Variants in REV3L observed in about 807,000 individuals in gnomAD.
REV3L encodes the protein REV3 like, DNA directed polymerase zeta catalytic subunit.
Under a neutral mutation model 299.4 loss-of-function variants are expected in REV3L, and 69 were observed. The observed-to-expected ratio is 0.23, with a 90% CI of 0.19 to 0.28. REV3L has a LOEUF of 0.28. Among genes scored for constraint, REV3L ranks in the 10% least tolerant of loss-of-function variants. The pLI, the probability that REV3L is intolerant of heterozygous loss-of-function variation, is 1.00. For synonymous variants in REV3L, 1,238 were observed against 1,271.4 expected (o/e 0.97, Z 0.56); for missense variants, 3,128 against 3,693.8 (o/e 0.85, Z 3.97).
At chr6:111,353,200 G>T (rs527784146) in intron 18 of REV3L, among the ~76,000 whole-genome samples, 2 of 152,204 alleles carry the variant, frequency 1.3e-5, no homozygotes, top group South Asian at 4.1e-4. Context: ...GCTATCTATG[G>T]CTACTCTGCA....
Position 111,338,452 on chromosome 6 carries a change from A to C in REV3L, c.7539-2842T>G, listed in dbSNP as rs1247526627. 2.0e-5 allele frequency among the ~76,000 whole-genome samples: 3 copies of C among 149,036 alleles called. No individual in the cohort carries two copies. In the East Asian group the frequency reaches 5.9e-4, roughly 29 times the overall value. On this transcript the variant is annotated intron_variant, in intron 21 of 31. Transcript: ENST00000368802. Reference sequence around the variant, plus strand: ...TTCCTTTAGTAAGGTAAACATTTGAATATTTCAGGATTTTTTTCCTTTGAT... The same window carrying C: ...TTCCTTTAGTAAGGTAAACATTTGACTATTTCAGGATTTTTTTCCTTTGAT...
intron 1 of REV3L, among the ~76,000 whole-genome samples, chr6:111,463,162 G>A (rs1329669407): frequency 6.6e-6 from 1 of 152,112 alleles, no homozygotes; most frequent in Non-Finnish European, 1.5e-5. Context: ...AGCTGTTAAC[G>A]GTATAAGTAC....
Position 111,359,509 on chromosome 6 carries a change from T to C in REV3L, c.6880-495A>G, listed in dbSNP as rs73765947. Among the ~76,000 whole-genome samples, 216 of 131,134 alleles carry C rather than the reference T, an allele frequency of 1.6e-3. 2 individuals are homozygous for C. Among genetic ancestry groups the C allele is most frequent in the African/African-American group, 5.7e-3 (192 of 33,862 alleles). The allele number at this position is 131,134 out of a possible 152,430, so 86.0% of individuals were successfully genotyped here. A position where few individuals can be genotyped will look rare whatever the true frequency, so the allele number is the denominator to read the frequency against. Reference sequence around the variant, plus strand: ...CATACACTAGGCAGATTTTTAATTATAGTTTTTCCTGAAAAAAAAAAAAAA... The same window carrying C: ...CATACACTAGGCAGATTTTTAATTACAGTTTTTCCTGAAAAAAAAAAAAAA... On this transcript the variant is annotated intron_variant, in intron 16 of 31. Transcript: ENST00000368802.
intron 4 of REV3L, among the ~76,000 whole-genome samples, chr6:111,401,002 C>T (rs1353202220): frequency 6.6e-6 from 1 of 152,172 alleles, no homozygotes; most frequent in Non-Finnish European, 1.5e-5. Flanking sequence ...GCTATGCTTT[C>T]TCCATTGAAT....
chr6:111,429,726 G>A (rs1205491434), intron 1 of REV3L, among the ~76,000 whole-genome samples: 9 of 152,170 alleles, frequency 5.9e-5, no homozygotes, highest in East Asian at 1.9e-4. Context: ...CGCGGGCCCC[G>A]CTCCCGCCCT....
At chr6:111,463,168 A>C (rs1230390866) in intron 1 of REV3L, among the ~76,000 whole-genome samples, 1 of 152,190 alleles carries the variant, frequency 6.6e-6, no homozygotes, top group Non-Finnish European at 1.5e-5. Context: ...TAACGGTATA[A>C]GTACCAGTAT....
Position 111,471,327 on chromosome 6 carries a change from T to C in REV3L, c.139+11423A>G, listed in dbSNP as rs10080788. ...GTCCTGATGGACCACTTATAAAACA[T>C]AGCCAAATTTTTAAAAAGTGTTTTA... On this transcript the variant is annotated intron_variant, in intron 1 of 31. Transcript: ENST00000368802. Among the ~76,000 whole-genome samples the C allele has an allele frequency of 2.3e-3, 353 of 152,204 alleles. 2 individuals carry two copies. Among genetic ancestry groups the C allele is most frequent in the African/African-American group, 8.1e-3 (338 of 41,512 alleles).
chr6:111,303,161 C>CTTTTTTTTTTT (rs1192743753), intron 31 of REV3L, among the ~76,000 whole-genome samples: 4 of 55,520 alleles, frequency 7.2e-5, no homozygotes, highest in Non-Finnish European at 1.6e-4. Context: ...GCTTTCTTTT[C>CTTTTTTTTTTT]TTTCTTTTTT....
intron 1 of REV3L, chr6:111,431,659 G>A (rs2128299327): frequency 1.1e-6 from 1 of 908,296 alleles, no homozygotes. Flanking sequence ...CACATACGGA[G>A]TTTGAAAAGC....
At chr6:111,435,780 A>G (rs1787476970) in intron 1 of REV3L, among the ~76,000 whole-genome samples, 1 of 152,232 alleles carries the variant, frequency 6.6e-6, no homozygotes, top group African/African-American at 2.4e-5. Flanking sequence ...GTAAGACCTC[A>G]AAAGCACAGG....
intron 4 of REV3L, among the ~76,000 whole-genome samples, chr6:111,398,852 G>C (rs1357059043): frequency 1.3e-5 from 2 of 152,000 alleles, no homozygotes; most frequent in African/African-American, 4.8e-5. Flanking sequence ...TATGATAAAA[G>C]AAGATGTAAA....
At chr6:111,451,777 C>T (rs1253813666) in intron 1 of REV3L, among the ~76,000 whole-genome samples, 2 of 147,020 alleles carry the variant, frequency 1.4e-5, no homozygotes, top group Non-Finnish European at 3.0e-5. Context: ...TACAAGAAAA[C>T]AGAAAACATT....
intron 1 of REV3L, among the ~76,000 whole-genome samples, chr6:111,477,462 C>T (rs1793073206): frequency 6.6e-6 from 1 of 152,146 alleles, no homozygotes; most frequent in Non-Finnish European, 1.5e-5. Flanking sequence ...GAAGCCTTCC[C>T]TGAGGAAAGA....
chr6:111,320,234 A>C (rs958010293), intron 26 of REV3L, among the ~76,000 whole-genome samples: 1 of 151,964 alleles, frequency 6.6e-6, no homozygotes, highest in Admixed American at 6.6e-5. Context: ...ACGCCCAGCT[A>C]ATTTTGTATT....
intron 31 of REV3L, among the ~76,000 whole-genome samples, chr6:111,305,800 A>G (rs1263989812): frequency 6.6e-6 from 1 of 152,010 alleles, no homozygotes; most frequent in Non-Finnish European, 1.5e-5. Flanking sequence ...TAGGCGTCAT[A>G]CTAGGATCCA....
At chr6:111,350,478 GA>G (rs367887431) in intron 19 of REV3L, among the ~76,000 whole-genome samples, 5,080 of 138,528 alleles carry the variant, frequency 0.037, 103 homozygotes, top group Middle Eastern at 0.12. Flanking sequence ...AAAAGATATT[GA>G]AAAAAAAAAA....
chr6:111,397,585 A>G (rs1782654363), intron 4 of REV3L, among the ~76,000 whole-genome samples: 1 of 152,198 alleles, frequency 6.6e-6, no homozygotes. Flanking sequence ...GTATTCTGCA[A>G]CTACTGGATA....
chr6:111,377,353 T>C (rs1780420353), intron 12 of REV3L, among the ~76,000 whole-genome samples: 1 of 152,220 alleles, frequency 6.6e-6, no homozygotes, highest in African/African-American at 2.4e-5. Context: ...TTATTTTTTT[T>C]GGAGGCAGAA....
chr6:111,350,744 TTTTC>T (rs1206493362), intron 19 of REV3L, among the ~76,000 whole-genome samples: 4 of 137,014 alleles, frequency 2.9e-5, no homozygotes, highest in East Asian at 4.3e-4. Context: ...ACCTGGCTAA[TTTTC>T]TTTCTTTTTT....
Sources: gnomAD v4.1 joint callset for allele counts (sites outside exome capture counted in the v4.1 genomes callset) on GRCh38, gnomAD v4.1.1 for gene constraint, MANE v1.5 for transcripts, NCBI Gene and HGNC (gene_info 2026-07-23, HGNC 2026-07-21) for gene names.